The following GIT2 variants were observed in gnomAD, a reference collection of about 807,000 sequenced individuals.
The protein encoded by GIT2 is ARF GTPase-activating protein GIT2.
Under a neutral mutation model 100.3 loss-of-function variants are expected in GIT2, and 32 were observed. The observed-to-expected ratio is 0.32, with a 90% CI of 0.24 to 0.43. GIT2 has a LOEUF of 0.43. Ranked by LOEUF, GIT2 falls within the 20% of genes least tolerant of loss-of-function variation. GIT2 has a pLI of 1.00. For synonymous variants in GIT2, 353 were observed against 364.1 expected (o/e 0.97, Z 0.35); for missense variants, 737 against 975.1 (o/e 0.76, Z 3.25).
chr12:109,969,773 T>G (rs1379882101), intron 7 of GIT2, among the ~76,000 whole-genome samples: 5 of 151,542 alleles, frequency 3.3e-5, no homozygotes, highest in African/African-American at 1.2e-4. Flanking sequence ...TTTTTTTTTT[T>G]GAGACGCGGT....
At chr12:109,942,075 T>G (rs988357939) in intron 16 of GIT2, among the ~76,000 whole-genome samples, 4 of 152,114 alleles carry the variant, frequency 2.6e-5, no homozygotes, top group African/African-American at 9.7e-5. Flanking sequence ...TCCTCCAACT[T>G]TGGCCTCCCA....
intron 15 of GIT2, among the ~76,000 whole-genome samples, chr12:109,946,249 C>A (rs1876326239): frequency 6.6e-6 from 1 of 152,134 alleles, no homozygotes; most frequent in South Asian, 2.1e-4. Context: ...AGATAACAGA[C>A]TCCCAATTAT....
intron 11 of GIT2, among the ~76,000 whole-genome samples, chr12:109,960,532 G>C (rs1273611760): frequency 6.6e-6 from 1 of 152,088 alleles, no homozygotes. Flanking sequence ...AGTGAGCTGA[G>C]ATGGTGCCAC....
At chr12:109,993,081 A>G (rs1400754519) in intron 1 of GIT2, among the ~76,000 whole-genome samples, 1 of 152,190 alleles carries the variant, frequency 6.6e-6, no homozygotes, top group African/African-American at 2.4e-5. Flanking sequence ...TAAAATAAAA[A>G]TGAATAATAT....
chr12:109,990,955 A>G (rs1251396928), intron 2 of GIT2, among the ~76,000 whole-genome samples: 1 of 152,254 alleles, frequency 6.6e-6, no homozygotes, highest in Non-Finnish European at 1.5e-5. Flanking sequence ...AGGAATAAGT[A>G]CATTAAAGAA....
At chr12:109,946,295 T>TGGG (rs1876342837) in intron 15 of GIT2, among the ~76,000 whole-genome samples, 1 of 152,162 alleles carries the variant, frequency 6.6e-6, no homozygotes, top group Non-Finnish European at 1.5e-5. Context: ...ACACTGAAAA[T>TGGG]TGACAAAATT....
chr12:109,951,224 C>T lies in GIT2; in HGVS notation c.1335G>A (p.Gln445=), dbSNP rs1565951384. ...AGTTGTTATTCACCTTCATTAGCTG[C>T]TGTATCTTGGCCTCAGAAGCCACTA... ...NALVASEAKI[Q]QLMKVNNNLS... Residue 445 remains glutamine (Q), a synonymous_variant, in exon 14 of 20, where the codon CAG becomes CAA. Coordinates refer to ENST00000355312, the MANE Select transcript of GIT2 (RefSeq NM_057169.5). 1 of 1,613,236 alleles carries T rather than the reference C, an allele frequency of 6.2e-7. No homozygotes were observed. The highest frequency in any genetic ancestry group is 8.5e-7 in the Non-Finnish European group (1 of 1,179,176).
At chr12:109,981,406 A>G in intron 6 of GIT2, 1 of 222,982 alleles carries the variant, frequency 4.5e-6, no homozygotes. Flanking sequence ...GCATTTCTAG[A>G]AATATACCAT....
rs1871670792 is a variant in GIT2 at position 109,931,774 on chromosome 12, GTAAC to G, written c.*1200_*1203del. ...ATTCAGAACAAGAAGGGGCTTTTGA[GTAAC>G]TAAAAAACAATCTGAGCATGTTCCA... On this transcript the variant is annotated 3_prime_UTR_variant, in exon 20 of 20. Transcript: ENST00000355312. The G allele has an allele frequency of 6.6e-6, 1 of 152,286 alleles. No individual in the cohort carries two copies. Among genetic ancestry groups the G allele is most frequent in the Admixed American group, 6.5e-5 (1 of 15,290 alleles). 9.4% of individuals were successfully genotyped at this position (152,286 alleles called of 1,614,324 possible). A position where few individuals can be genotyped will look rare whatever the true frequency, so the allele number is the denominator to read the frequency against.
At chr12:109,965,318 T>C (rs1882053166) in intron 9 of GIT2, among the ~76,000 whole-genome samples, 1 of 152,202 alleles carries the variant, frequency 6.6e-6, no homozygotes, top group African/African-American at 2.4e-5. Flanking sequence ...AATGAGATTA[T>C]CTGAAGCAGA....
At chr12:109,955,489 G>C (rs1879175297) in intron 12 of GIT2, among the ~76,000 whole-genome samples, 1 of 152,118 alleles carries the variant, frequency 6.6e-6, no homozygotes, top group African/African-American at 2.4e-5. Context: ...TGCTTCTGGG[G>C]TTATCAACCA....
chr12:109,994,469 C>A (rs1477501996), intron 1 of GIT2, among the ~76,000 whole-genome samples: 1 of 152,188 alleles, frequency 6.6e-6, no homozygotes, highest in Non-Finnish European at 1.5e-5. Context: ...ACAGGTAATT[C>A]TCTCAGTAGG....
intron 8 of GIT2, among the ~76,000 whole-genome samples, chr12:109,966,239 C>G (rs1460856995): frequency 2.0e-5 from 3 of 148,416 alleles, no homozygotes; most frequent in Non-Finnish European, 4.5e-5. Context: ...CGTGATCCAC[C>G]CGCCTCGGCC....
upstream of GIT2, chr12:109,999,586 C>G: frequency 3.1e-6 from 3 of 976,530 alleles, no homozygotes; most frequent in Non-Finnish European, 4.3e-6. This position sits in a 1 kb window ranked among gnomAD's most constrained non-coding sequence, Gnocchi z 4.3. Context: ...ACGCCCTACG[C>G]TCGCTTGCTC....
intron 8 of GIT2, 51 bp downstream of exon 8, chr12:109,967,407 C>A (rs746146491): frequency 1.3e-6 from 2 of 1,509,146 alleles, no homozygotes; most frequent in South Asian, 1.1e-5. Flanking sequence ...ATAATACAAC[C>A]AAGGAAATAT....
At chr12:109,994,226 A>G (rs968794777) in intron 1 of GIT2, among the ~76,000 whole-genome samples, 2 of 152,228 alleles carry the variant, frequency 1.3e-5, no homozygotes, top group Non-Finnish European at 2.9e-5. Flanking sequence ...CCTGGATCAG[A>G]ATCCCATGGA....
chr12:109,961,081 T>C (rs935445923), intron 11 of GIT2, among the ~76,000 whole-genome samples, 197 bp downstream of exon 11: 3 of 152,274 alleles, frequency 2.0e-5, no homozygotes, highest in African/African-American at 7.2e-5. Context: ...CTTCTGTGAA[T>C]TGTTTCATAT....
At chr12:109,940,921 A>G (rs529522497) in intron 16 of GIT2, among the ~76,000 whole-genome samples, 22 of 151,770 alleles carry the variant, frequency 1.4e-4, no homozygotes, top group African/African-American at 3.6e-4. Context: ...CAAAAAGAAA[A>G]AAAAAAAAAA....
At position 109,948,936 on chromosome 12, in the gene GIT2, A is replaced by G. The variant is rs1877079522; in HGVS notation, c.1393-1432T>C. On this transcript the variant is annotated intron_variant, in intron 14 of 19. Coordinates refer to ENST00000355312, the MANE Select transcript of GIT2 (RefSeq NM_057169.5). This position sits in a 1 kb window ranked among gnomAD's most constrained non-coding sequence, Gnocchi z 4.3. ...TTTACCCAACTTTGAAATATAATCA[A>G]TACATCTTTGCTAAATAAACAAATT... The G allele has an allele frequency of 2.4e-6, 2 of 833,178 alleles. No homozygotes were observed. Among genetic ancestry groups the G allele is most frequent in the South Asian group, 1.6e-5 (1 of 63,748 alleles). The allele number at this position is 833,178 out of a possible 1,614,324, so 51.6% of individuals were successfully genotyped here. A position where few individuals can be genotyped will look rare whatever the true frequency, so the allele number is the denominator to read the frequency against.
Sources: allele counts gnomAD v4.1 joint callset (sites outside exome capture counted in the v4.1 genomes callset), GRCh38; gene constraint gnomAD v4.1.1; non-coding constraint Gnocchi (gnomAD v3.1); transcripts MANE v1.5; gene names NCBI Gene and HGNC (gene_info 2026-07-23, HGNC 2026-07-21).